ANO3: variants seen among roughly 807,000 people sequenced by gnomAD.
The protein encoded by ANO3 is anoctamin-3.
Under a neutral mutation model 144.8 loss-of-function variants are expected in ANO3, and 99 were observed. The ratio of observed to expected loss-of-function variants is 0.68; its 90% CI spans 0.58 to 0.81. The LOEUF (loss-of-function observed/expected upper bound fraction) is 0.81. Ranked by LOEUF, ANO3 falls within the 30% of genes least tolerant of loss-of-function variation. The pLI is 0.00. For synonymous variants in ANO3, 414 were observed against 392.6 expected (o/e 1.05, Z -0.64); for missense variants, 905 against 1,202.2 (o/e 0.75, Z 3.66).
chr11:26,602,048 G>A (rs866009591), intron 17 of ANO3, among the ~76,000 whole-genome samples: 13 of 152,154 alleles, frequency 8.5e-5, no homozygotes, highest in South Asian at 8.3e-4. Context: ...CGTGAAATGG[G>A]ATGGTACGTT....
intron 18 of ANO3, among the ~76,000 whole-genome samples, chr11:26,629,133 C>T (rs1229309290): frequency 6.6e-6 from 1 of 152,114 alleles, no homozygotes; most frequent in Admixed American, 6.5e-5. Context: ...AACAATCCTC[C>T]ACTTCTAGCA....
At chr11:26,363,313 T>A (rs1286774355) in intron 1 of ANO3, among the ~76,000 whole-genome samples, 1 of 152,200 alleles carries the variant, frequency 6.6e-6, no homozygotes, top group Non-Finnish European at 1.5e-5. Context: ...TGGTTAGAGA[T>A]GCCATAACAA....
chr11:26,543,858 T>C (rs1000583811), intron 11 of ANO3, among the ~76,000 whole-genome samples: 7 of 152,122 alleles, frequency 4.6e-5, no homozygotes, highest in African/African-American at 1.4e-4. Context: ...CAGTCTATCA[T>C]TGATGGACCT....
At chr11:26,287,672 G>A (rs186711565) in intron 1 of ANO3, 1 of 152,312 alleles carries the variant, frequency 6.6e-6, no homozygotes, top group African/African-American at 2.4e-5. Flanking sequence ...TTAATAATCG[G>A]TGAAACCAGG....
chr11:26,323,172 C>T (rs1325192758), intron 1 of ANO3, among the ~76,000 whole-genome samples: 1 of 151,988 alleles, frequency 6.6e-6, no homozygotes, highest in Admixed American at 6.6e-5. Context: ...ATATCCCCTG[C>T]CCTAGACCTG....
chr11:26,524,875 C>T (rs374920715), intron 6 of ANO3, among the ~76,000 whole-genome samples: 3 of 152,118 alleles, frequency 2.0e-5, no homozygotes, highest in African/African-American at 7.2e-5. Flanking sequence ...TTATCTAAAT[C>T]TTATAATACT....
chr11:26,566,740 C>T (rs1334261263), intron 14 of ANO3, among the ~76,000 whole-genome samples: 1 of 151,762 alleles, frequency 6.6e-6, no homozygotes, highest in Admixed American at 6.6e-5. Context: ...GGAAGTGCCA[C>T]AATTCATAAA....
intron 1 of ANO3, among the ~76,000 whole-genome samples, chr11:26,200,713 T>C (rs982919832): frequency 6.6e-5 from 10 of 152,174 alleles, no homozygotes; most frequent in African/African-American, 9.6e-5. Context: ...ATCTTGGGGT[T>C]AGCAAAAGAA....
chr11:26,604,113 C>T (rs1196513575), intron 17 of ANO3, among the ~76,000 whole-genome samples: 1 of 152,096 alleles, frequency 6.6e-6, no homozygotes, highest in Non-Finnish European at 1.5e-5. Context: ...CCTCCCCAAC[C>T]CAGTATCTGA....
chr11:26,452,255 G>A (rs1590371576), intron 3 of ANO3, among the ~76,000 whole-genome samples: 1 of 152,238 alleles, frequency 6.6e-6, no homozygotes, highest in East Asian at 1.9e-4. Flanking sequence ...CGAGCTGAGA[G>A]AAGAAGGCTT....
At chr11:26,382,435 G>T (rs1856614966) in intron 1 of ANO3, among the ~76,000 whole-genome samples, 1 of 152,208 alleles carries the variant, frequency 6.6e-6, no homozygotes, top group South Asian at 2.1e-4. Flanking sequence ...TGGCTCGTCT[G>T]CTCTTAATCC....
intron 1 of ANO3, among the ~76,000 whole-genome samples, chr11:26,315,994 C>T (rs565369480): frequency 1.3e-4 from 20 of 152,246 alleles, no homozygotes; most frequent in African/African-American, 4.6e-4. Flanking sequence ...CTATCCTCTC[C>T]ACTGGGGTTG....
intron 1 of ANO3, among the ~76,000 whole-genome samples, chr11:26,242,360 C>T (rs1219622635): frequency 1.3e-5 from 2 of 152,020 alleles, no homozygotes; most frequent in Non-Finnish European, 1.5e-5. Flanking sequence ...TGTAGATTTG[C>T]CCTGTCCATT....
At chr11:26,415,288 A>G (rs1340116995) in intron 1 of ANO3, among the ~76,000 whole-genome samples, 2 of 152,028 alleles carry the variant, frequency 1.3e-5, no homozygotes, top group Non-Finnish European at 2.9e-5. Flanking sequence ...ATTGAAACCT[A>G]TCCATTCACC....
intron 1 of ANO3, among the ~76,000 whole-genome samples, chr11:26,409,939 T>C (rs1349397141): frequency 4.6e-5 from 7 of 151,952 alleles, no homozygotes; most frequent in Non-Finnish European, 8.8e-5. Flanking sequence ...ATCAATGCAG[T>C]AGTAATTTTC....
At chr11:26,508,965 T>A (rs1014079866) in intron 5 of ANO3, among the ~76,000 whole-genome samples, 1 of 151,868 alleles carries the variant, frequency 6.6e-6, no homozygotes, top group African/African-American at 2.4e-5. Context: ...TTGGTGGTCT[T>A]GTTAACAACT....
At chr11:26,569,431 C>T (rs948051720) in intron 14 of ANO3, among the ~76,000 whole-genome samples, 1 of 152,038 alleles carries the variant, frequency 6.6e-6, no homozygotes, top group Non-Finnish European at 1.5e-5. Context: ...ACAAGTTTGC[C>T]TCTGCTGCCT....
chr11:26,236,488 T>C (rs1223797394), intron 1 of ANO3, among the ~76,000 whole-genome samples: 1 of 152,140 alleles, frequency 6.6e-6, no homozygotes, highest in Non-Finnish European at 1.5e-5. Flanking sequence ...ATTCCTCATA[T>C]CCTGTGAGAT....
At chr11:26,449,998 C>T (rs769213469) in intron 3 of ANO3, among the ~76,000 whole-genome samples, 28 of 152,152 alleles carry the variant, frequency 1.8e-4, no homozygotes, top group Non-Finnish European at 3.1e-4. Flanking sequence ...TCAGGCAATC[C>T]GCCCAGCTCA....
Sources: gnomAD v4.1 joint callset for allele counts (sites outside exome capture counted in the v4.1 genomes callset) on GRCh38, gnomAD v4.1.1 for gene constraint, MANE v1.5 for transcripts, NCBI Gene and HGNC (gene_info 2026-07-23, HGNC 2026-07-21) for gene names.